WDR17: variants seen among roughly 807,000 people sequenced by gnomAD.
The protein encoded by WDR17 is WD repeat domain 17.
In WDR17, 143 loss-of-function variants were observed where a neutral mutation model predicts 161.7. That is an observed-to-expected ratio of 0.88 (90% CI 0.77 to 1.02). The LOEUF (loss-of-function observed/expected upper bound fraction) is 1.02, where lower values mean the gene tolerates loss of function less well. WDR17 is among the 50% of genes least tolerant of loss of function. The pLI is 0.00. For synonymous variants in WDR17, 517 were observed against 515.6 expected (o/e 1.00, Z -0.04); for missense variants, 1,469 against 1,520.9 (o/e 0.97, Z 0.57).
chr4:176,068,463 G>C (rs2126534805), intron 1 of WDR17: 1 of 152,274 alleles, frequency 6.6e-6, no homozygotes, highest in East Asian at 1.9e-4. Context: ...AGCTGGGCGT[G>C]GTGGTGCACG....
chr4:176,115,080 T>C (rs1320593183), intron 2 of WDR17, among the ~76,000 whole-genome samples: 2 of 152,010 alleles, frequency 1.3e-5, no homozygotes, highest in African/African-American at 2.4e-5. Flanking sequence ...GTAATAAATA[T>C]TTAATATCAT....
At chr4:176,092,208 A>G (rs1201346979) in intron 1 of WDR17, among the ~76,000 whole-genome samples, 1 of 152,212 alleles carries the variant, frequency 6.6e-6, no homozygotes, top group East Asian at 1.9e-4. Flanking sequence ...GCAAAATACT[A>G]GCAGACTGAA....
intron 23 of WDR17, among the ~76,000 whole-genome samples, chr4:176,169,459 T>A (rs1219330043): frequency 6.6e-6 from 1 of 152,184 alleles, no homozygotes; most frequent in Non-Finnish European, 1.5e-5. Flanking sequence ...AGAAAGCAGA[T>A]CACAAAACTA....
chr4:176,152,853 T>A (rs192607761), intron 17 of WDR17, among the ~76,000 whole-genome samples: 1 of 151,452 alleles, frequency 6.6e-6, no homozygotes, highest in Non-Finnish European at 1.5e-5. Context: ...GAGAACTGCT[T>A]GAACCTGGGA....
At position 176,163,203 on chromosome 4, in the gene WDR17, G is replaced by A. The variant is rs751063862; in HGVS notation, c.2900G>A (p.Cys967Tyr). The A allele has an allele frequency of 5.0e-6, 8 of 1,614,118 alleles. No homozygotes were observed. The highest frequency in any genetic ancestry group is 3.3e-5 in the Admixed American group (2 of 60,024). The change falls in exon 22 of 29, where the codon TGT becomes TAT. Residue 967 changes from cysteine to tyrosine, a missense_variant. Cys to Tyr is a radical substitution (Grantham distance 194). Transcript: ENST00000508596. ...IRGNELELAV[C>Y]VGTVLGESAA... ...GGAAATGAACTGGAGTTGGCAGTCTGTGTGGGCACAGTACTAGGAGAGTCT... is the reference window on the plus strand; with the variant it reads ...GGAAATGAACTGGAGTTGGCAGTCTATGTGGGCACAGTACTAGGAGAGTCT...
At chr4:176,099,913 T>C (rs1354626989) in intron 1 of WDR17, among the ~76,000 whole-genome samples, 2 of 152,112 alleles carry the variant, frequency 1.3e-5, no homozygotes, top group Non-Finnish European at 2.9e-5. Context: ...TGCTGCAAAA[T>C]ACATGATTTT....
chr4:176,095,679 C>G (rs973005847), intron 1 of WDR17, among the ~76,000 whole-genome samples: 4 of 151,874 alleles, frequency 2.6e-5, no homozygotes, highest in African/African-American at 7.3e-5. Flanking sequence ...TTTTTCTCTT[C>G]CCTTCCTTCT....
At chr4:176,071,302 G>A (rs1733203013) in intron 1 of WDR17, among the ~76,000 whole-genome samples, 1 of 150,344 alleles carries the variant, frequency 6.7e-6, no homozygotes, top group East Asian at 2.0e-4. Context: ...GAAAATATGT[G>A]ATTTCTCCCT....
chr4:176,170,930 T>C (rs1191245036), intron 23 of WDR17, among the ~76,000 whole-genome samples: 1 of 152,212 alleles, frequency 6.6e-6, no homozygotes, highest in African/African-American at 2.4e-5. Flanking sequence ...ACACCTGACC[T>C]ACCAAACATC....
chr4:176,154,413 G>A (rs574287629), intron 17 of WDR17, among the ~76,000 whole-genome samples: 6 of 152,226 alleles, frequency 3.9e-5, no homozygotes, highest in Admixed American at 6.5e-5. Flanking sequence ...TCCGGCAGGC[G>A]GAGGTTGCAG....
intron 4 of WDR17, among the ~76,000 whole-genome samples, chr4:176,122,009 G>T (rs10010573): frequency 1.3e-5 from 2 of 151,954 alleles, no homozygotes; most frequent in Non-Finnish European, 2.9e-5. Flanking sequence ...GATGTAAGAA[G>T]ACTATCACAA....
chr4:176,116,122 G>T, intron 3 of WDR17, 143 bp downstream of exon 3: 1 of 783,202 alleles, frequency 1.3e-6, no homozygotes, highest in Non-Finnish European at 1.9e-6. Context: ...TTCACATAAT[G>T]ACTCATGCCC....
intron 10 of WDR17, among the ~76,000 whole-genome samples, chr4:176,141,701 G>A (rs1745289848): frequency 1.3e-5 from 2 of 152,138 alleles, no homozygotes; most frequent in Non-Finnish European, 2.9e-5. Context: ...CCCAAGTGCT[G>A]GGATTATAGG....
intron 16 of WDR17, among the ~76,000 whole-genome samples, chr4:176,151,133 T>C (rs1747039591): frequency 6.6e-6 from 1 of 152,234 alleles, no homozygotes; most frequent in Non-Finnish European, 1.5e-5. Context: ...GTGGATCTAA[T>C]GCTCATAAAG....
chr4:176,075,826 G>T (rs1353570415), intron 1 of WDR17, among the ~76,000 whole-genome samples: 2 of 151,884 alleles, frequency 1.3e-5, no homozygotes, highest in African/African-American at 4.8e-5. Context: ...AAAAGAAAAA[G>T]AAATTAGCCA....
intron 4 of WDR17, among the ~76,000 whole-genome samples, 188 bp from the exon 5 acceptor site, chr4:176,124,916 C>G (rs1742210100): frequency 6.6e-6 from 1 of 152,180 alleles, no homozygotes; most frequent in Non-Finnish European, 1.5e-5. Context: ...TTGAGCCTGA[C>G]CTTCATCATT....
chr4:176,101,494 G>A (rs916053048), intron 1 of WDR17, among the ~76,000 whole-genome samples: 3 of 152,122 alleles, frequency 2.0e-5, no homozygotes, highest in Admixed American at 6.6e-5. Context: ...AGAAATGTTG[G>A]TATTATCAGA....
At position 176,182,216 on chromosome 4, in the gene WDR17, TTTTA is replaced by T. The variant is rs1263387192; in HGVS notation, c.*2638_*2641del. The T allele has an allele frequency of 6.6e-6, 1 of 152,014 alleles. No individual in the cohort carries two copies. Among genetic ancestry groups the T allele is most frequent in the African/African-American group, 2.4e-5 (1 of 41,450 alleles). The allele number at this position is 152,014 out of a possible 1,614,324, so 9.4% of individuals were successfully genotyped here. ...AGGAAGAGTCTCATTAGACAATGATTTTTAAAGCATTGGAAAAATATTTTGCCTG... is the reference window on the plus strand; with the variant it reads ...AGGAAGAGTCTCATTAGACAATGATTAAGCATTGGAAAAATATTTTGCCTG... On this transcript the variant is annotated 3_prime_UTR_variant, in exon 29 of 29. Coordinates refer to ENST00000508596, the MANE Select transcript of WDR17 (RefSeq NM_181265.4). The surrounding 1 kb of genome is among the most constrained non-coding windows in gnomAD (Gnocchi z 4.2).
chr4:176,179,384 TTCTC>T, intron 28 of WDR17, 72 bp from the exon 29 acceptor site: 1 of 1,323,646 alleles, frequency 7.6e-7, no homozygotes, highest in Non-Finnish European at 9.9e-7. Context: ...ATTGCAGTGA[TTCTC>T]TTTCTGAAAG....
Sources: gnomAD v4.1 joint callset for allele counts (sites outside exome capture counted in the v4.1 genomes callset) on GRCh38, gnomAD v4.1.1 for gene constraint, Gnocchi (gnomAD v3.1) non-coding constraint, MANE v1.5 for transcripts, NCBI Gene and HGNC (gene_info 2026-07-23, HGNC 2026-07-21) for gene names.